The following GAS2 variants were observed in gnomAD, a reference collection of about 807,000 sequenced individuals.
GAS2 encodes growth arrest-specific protein 2.
Under a neutral mutation model 37.5 loss-of-function variants are expected in GAS2, and 20 were observed. That is an observed-to-expected ratio of 0.53 (90% confidence interval 0.37 to 0.77). The LOEUF (loss-of-function observed/expected upper bound fraction) is 0.77. GAS2 is among the 30% of genes least tolerant of loss of function. The pLI, the probability that GAS2 is intolerant of heterozygous loss-of-function variation, is 0.00. For missense variants in GAS2, 336 were observed against 373.4 expected (o/e 0.90, Z 0.82); for synonymous variants, 144 against 132.2 (o/e 1.09, Z -0.61).
chr11:22,735,372 GAAAGTA>G (rs1261798162), intron 4 of GAS2, among the ~76,000 whole-genome samples: 2 of 151,532 alleles, frequency 1.3e-5, no homozygotes, highest in Non-Finnish European at 3.0e-5. Context: ...ACAAAGAAGT[GAAAGTA>G]AAACACCATT....
rs535239549 is a variant in GAS2 at position 22,795,259 on chromosome 11, C to T, written c.724-16539C>T. On this transcript the variant is annotated intron_variant, in intron 7 of 7. Transcript: ENST00000454584. Reference sequence around the variant, plus strand: ...TCTGGATTCCAATTTGACTGTGTGTCCTGGTATTTTTATATGCTAAATATG... The same window carrying T: ...TCTGGATTCCAATTTGACTGTGTGTTCTGGTATTTTTATATGCTAAATATG... 1.1e-4 allele frequency among the ~76,000 whole-genome samples: 16 copies of T among 152,176 alleles called. No individual in the cohort carries two copies. The East Asian group carries it at 3.1e-3, about 29-fold the overall frequency.
chr11:22,789,425 GATATATATATATATAT>G (rs35755438), intron 7 of GAS2, among the ~76,000 whole-genome samples: 2 of 30,662 alleles, frequency 6.5e-5, no homozygotes, highest in African/African-American at 9.0e-5. Flanking sequence ...TCTCATATGA[GATATATATATATATAT>G]ATATATATAT....
At chr11:22,674,160 T>C (rs2133885063) in intron 1 of GAS2, among the ~76,000 whole-genome samples, 1 of 152,304 alleles carries the variant, frequency 6.6e-6, no homozygotes, top group South Asian at 2.1e-4. Context: ...CAAGCCTAGT[T>C]CTGTCATGAC....
intron 3 of GAS2, among the ~76,000 whole-genome samples, chr11:22,706,344 A>G (rs1422760719): frequency 6.7e-6 from 1 of 150,120 alleles, no homozygotes; most frequent in Admixed American, 6.6e-5. Context: ...TTTTTCTTTT[A>G]TTATTATACT....
At chr11:22,626,102 C>A in intron 1 of GAS2, 1 of 487,706 alleles carries the variant, frequency 2.1e-6, no homozygotes, top group Non-Finnish European at 3.7e-6. Context: ...TGAACGTCTC[C>A]GCGCTTCCTT....
chr11:22,627,918 A>C (rs1262672448), intron 1 of GAS2, among the ~76,000 whole-genome samples: 1 of 152,208 alleles, frequency 6.6e-6, no homozygotes, highest in Non-Finnish European at 1.5e-5. Context: ...TGAAAGAACC[A>C]GGCCTATTTA....
chr11:22,679,574 T>C (rs1849581415), intron 2 of GAS2, among the ~76,000 whole-genome samples: 1 of 152,104 alleles, frequency 6.6e-6, no homozygotes, highest in Non-Finnish European at 1.5e-5. Flanking sequence ...TTTTTAAGAA[T>C]ATTATTGGCT....
chr11:22,774,102 C>T (rs1237140774), intron 7 of GAS2, among the ~76,000 whole-genome samples: 3 of 152,070 alleles, frequency 2.0e-5, no homozygotes, highest in African/African-American at 7.2e-5. Flanking sequence ...CAAGCAATTC[C>T]CCTGTCTCAG....
chr11:22,773,984 A>G (rs1430373367), intron 7 of GAS2, among the ~76,000 whole-genome samples: 1 of 152,002 alleles, frequency 6.6e-6, no homozygotes, highest in Admixed American at 6.6e-5. Flanking sequence ...CTCCGTTTTA[A>G]TTTTATGTGC....
chr11:22,692,885 GACA>G (rs1445604930), intron 3 of GAS2, among the ~76,000 whole-genome samples: 1 of 152,042 alleles, frequency 6.6e-6, no homozygotes, highest in Non-Finnish European at 1.5e-5. Context: ...GTCTCCATCA[GACA>G]ACAAGAACAA....
chr11:22,660,986 C>T (rs574878830), intron 1 of GAS2, among the ~76,000 whole-genome samples: 7 of 152,224 alleles, frequency 4.6e-5, no homozygotes, highest in East Asian at 3.9e-4. Context: ...GAAAATATTC[C>T]GTATTTGTGA....
chr11:22,724,073 T>C (rs942338731), intron 3 of GAS2, among the ~76,000 whole-genome samples: 3 of 151,982 alleles, frequency 2.0e-5, no homozygotes, highest in Non-Finnish European at 4.4e-5. Flanking sequence ...TTACATACTA[T>C]AATCATGTAA....
chr11:22,791,392 T>C (rs1327298773), intron 7 of GAS2, among the ~76,000 whole-genome samples: 3 of 152,186 alleles, frequency 2.0e-5, no homozygotes, highest in Non-Finnish European at 4.4e-5. Context: ...CAGGTCTCAG[T>C]GCTGAGGTCT....
In GAS2 at chr11:22,812,819, A is replaced by AT. The variant is rs1245367795; in HGVS notation, c.*803_*804insT. 1 of 152,556 alleles carries AT rather than the reference A, an allele frequency of 6.6e-6. No homozygotes were observed. The highest frequency in any genetic ancestry group is 1.5e-5 in the Non-Finnish European group (1 of 68,016). The allele number at this position is 152,556 out of a possible 1,614,324, so 9.5% of individuals were successfully genotyped here. The stretch of plus-strand genomic sequence containing the variant: ...TATTTCAAAGCATTTTCTTATTAAA[A>AT]ATATATCTTTAGTTAATCCTATTTT... On this transcript the variant is annotated 3_prime_UTR_variant, in exon 8 of 8. Coordinates refer to ENST00000454584, the MANE Select transcript of GAS2 (RefSeq NM_001143830.3).
At chr11:22,654,678 A>G (rs1411752040) in intron 1 of GAS2, among the ~76,000 whole-genome samples, 2 of 152,318 alleles carry the variant, frequency 1.3e-5, no homozygotes, top group African/African-American at 4.8e-5. Flanking sequence ...TTACAAATGT[A>G]AGCCATCATG....
chr11:22,720,151 A>G (rs1851878873), intron 3 of GAS2, among the ~76,000 whole-genome samples: 1 of 152,016 alleles, frequency 6.6e-6, no homozygotes, highest in African/African-American at 2.4e-5. Flanking sequence ...GCTCTGAGAA[A>G]CTTGTTTTAT....
At chr11:22,675,127 T>C in intron 2 of GAS2, 113 bp downstream of exon 2, 2 of 1,077,394 alleles carry the variant, frequency 1.9e-6, no homozygotes, top group Middle Eastern at 3.1e-4. Flanking sequence ...GAAAGACTTT[T>C]ATTATTTGAC....
chr11:22,649,641 C>G (rs1848747240), intron 1 of GAS2, among the ~76,000 whole-genome samples: 2 of 152,164 alleles, frequency 1.3e-5, no homozygotes, highest in Admixed American at 1.3e-4. Flanking sequence ...CTGGTTTAGT[C>G]TTGGGAGAGC....
chr11:22,735,852 G>A (rs144751849), intron 4 of GAS2, among the ~76,000 whole-genome samples: 1 of 151,684 alleles, frequency 6.6e-6, no homozygotes, highest in African/African-American at 2.4e-5. Flanking sequence ...GCATGACATT[G>A]TATCAAAAGC....
Sources: allele counts gnomAD v4.1 joint callset (sites outside exome capture counted in the v4.1 genomes callset), GRCh38; gene constraint gnomAD v4.1.1; transcripts MANE v1.5; gene names NCBI Gene and HGNC (gene_info 2026-07-23, HGNC 2026-07-21).